Variants in SMARCD1 observed in about 807,000 individuals in gnomAD.
SMARCD1 encodes the protein SWI/SNF-related matrix-associated actin-dependent regulator of chromatin subfamily D member 1.
Under a neutral mutation model 70.8 loss-of-function variants are expected in SMARCD1, and 16 were observed. That is an observed-to-expected ratio of 0.23 (90% CI 0.15 to 0.34). SMARCD1 has a LOEUF of 0.34. Among genes scored for constraint, SMARCD1 ranks in the 10% least tolerant of loss-of-function variants. The pLI, the probability that SMARCD1 is intolerant of heterozygous loss-of-function variation, is 1.00. For missense variants in SMARCD1, 409 were observed against 655.5 expected (o/e 0.62, Z 4.11); for synonymous variants, 249 against 246.0 (o/e 1.01, Z -0.11).
Position 50,099,044 on chromosome 12 carries a change from T to TG in SMARCD1, c.*47dup. On this transcript the variant is annotated 3_prime_UTR_variant, in exon 13 of 13. Coordinates refer to ENST00000394963, the MANE Select transcript of SMARCD1 (RefSeq NM_003076.5). ...GATTCGACTGCACCAATTCTTGATT[T>TG]GGGCCCTGTGCTGCCTGCCTCATAG... 6 of 1,586,528 alleles carry TG rather than the reference T, an allele frequency of 3.8e-6. No individual in the cohort carries two copies. Among genetic ancestry groups the TG allele is most frequent in the Non-Finnish European group, 5.2e-6 (6 of 1,155,132 alleles).
At chr12:50,088,195 T>G (rs1378891984) in intron 5 of SMARCD1, 1 of 690,316 alleles carries the variant, frequency 1.4e-6, no homozygotes, top group East Asian at 2.7e-5. Context: ...GTGATTCATT[T>G]CCCCTCTAGA....
At chr12:50,086,113 G>A (rs1565737545) in intron 1 of SMARCD1, 48 bp from the exon 2 acceptor site, 3 of 1,376,714 alleles carry the variant, frequency 2.2e-6, no homozygotes, top group Admixed American at 4.8e-5. Flanking sequence ...TCTTGATGGG[G>A]TTTAGCAGGT....
intron 11 of SMARCD1, among the ~76,000 whole-genome samples, chr12:50,097,431 A>G (rs1950902309): frequency 6.6e-6 from 1 of 151,996 alleles, no homozygotes; most frequent in Non-Finnish European, 1.5e-5. Flanking sequence ...GCGCGCCTGT[A>G]ATCCCAGCTA....
chr12:50,087,335 C>T (rs371530869), intron 4 of SMARCD1, 28 bp from the exon 5 acceptor site: 22 of 1,610,460 alleles, frequency 1.4e-5, no homozygotes, highest in South Asian at 4.4e-5. Context: ...TGAAGCCCCA[C>T]GATCAATCCT....
Position 50,088,565 on chromosome 12 carries a change from C to G in SMARCD1, c.699C>G (p.Phe233Leu). Residue 233 changes from phenylalanine (F) to leucine (L), a missense_variant, in exon 6 of 13, where the codon TTC becomes TTG. Phe to Leu is a conservative substitution (Grantham distance 22, BLOSUM62 0). Around this residue, in one of 2 missense-constraint regions of SMARCD1, gnomAD observed 269 missense variants for 498.6 expected, o/e 0.54. Transcript: ENST00000394963. Reference sequence around the variant, plus strand: ...ATGCCACTAAACAAAAGAGGAAGTTCTCTTCCTTTTTTAAGTCCTTGGTGA... The same window carrying G: ...ATGCCACTAAACAAAAGAGGAAGTTGTCTTCCTTTTTTAAGTCCTTGGTGA... ...KYDATKQKRK[F>L]SSFFKSLVIE... 1 of 1,610,552 alleles carries G rather than the reference C, an allele frequency of 6.2e-7. No homozygotes were observed. The highest frequency in any genetic ancestry group is 8.5e-7 in the Non-Finnish European group (1 of 1,177,708).
chr12:50,085,693 A>C, intron 1 of SMARCD1, 147 bp downstream of exon 1: 1 of 524,060 alleles, frequency 1.9e-6, no homozygotes, highest in Non-Finnish European at 2.8e-6. Context: ...AGTGCGCAGA[A>C]AGAGAGGGGG....
At chr12:50,092,112 G>A (rs1161756636) in intron 9 of SMARCD1, among the ~76,000 whole-genome samples, 3 of 151,842 alleles carry the variant, frequency 2.0e-5, no homozygotes, top group Non-Finnish European at 4.4e-5. Context: ...CTAGATAGGG[G>A]GTGAAGAAAA....
chr12:50,093,643 C>T (rs1950867290), intron 9 of SMARCD1, among the ~76,000 whole-genome samples: 2 of 151,656 alleles, frequency 1.3e-5, no homozygotes, highest in African/African-American at 4.8e-5. Flanking sequence ...CCACCACGCC[C>T]AGGAATTGTT....
At chr12:50,090,743 A>G (rs1192071361) in intron 9 of SMARCD1, among the ~76,000 whole-genome samples, 153 bp downstream of exon 9, 1 of 152,110 alleles carries the variant, frequency 6.6e-6, no homozygotes, top group African/African-American at 2.4e-5. Context: ...ACTTATAATT[A>G]AATATATTAG....
chr12:50,097,891 CA>C (rs749628224), intron 11 of SMARCD1, among the ~76,000 whole-genome samples: 902 of 42,184 alleles, frequency 0.021, no homozygotes, highest in Non-Finnish European at 0.027. Flanking sequence ...GACTCCATCT[CA>C]AAAAAAAAAA....
At position 50,098,961 on chromosome 12, in the gene SMARCD1, A is replaced by C; in HGVS notation, c.1509A>C (p.Arg503=). The C allele has an allele frequency of 3.1e-6, 5 of 1,614,156 alleles. No individual in the cohort carries two copies. In the South Asian group the frequency reaches 5.5e-5, roughly 18 times the overall value. ...RYFYSKVQQR[R]QELEQALGIR... is the part of the protein sequence containing the mutation. ...TTTCTCCTTAGGTGCAGCAGAGACG[A>C]CAAGAATTAGAGCAAGCCCTGGGAA... Residue 503 remains arginine, a synonymous_variant, in exon 13 of 13, where the codon CGA becomes CGC. Coordinates refer to ENST00000394963, the MANE Select transcript of SMARCD1 (RefSeq NM_003076.5).
chr12:50,086,708 G>C, intron 3 of SMARCD1, 45 bp downstream of exon 3: 1 of 1,614,014 alleles, frequency 6.2e-7, no homozygotes, highest in Non-Finnish European at 8.5e-7. Context: ...GTGAGTTTGA[G>C]TATAGAGATG....
chr12:50,089,820 G>C (rs1950824758), intron 6 of SMARCD1, 64 bp from the exon 7 acceptor site: 2 of 1,130,282 alleles, frequency 1.8e-6, no homozygotes, highest in Admixed American at 1.8e-5. Flanking sequence ...CATTACAGAA[G>C]CTCTTCCCTC....
intron 9 of SMARCD1, among the ~76,000 whole-genome samples, chr12:50,093,639 C>T (rs550553968): frequency 6.6e-6 from 1 of 152,012 alleles, no homozygotes; most frequent in Non-Finnish European, 1.5e-5. Flanking sequence ...TGTGCCACCA[C>T]GCCCAGGAAT....
In SMARCD1 at chr12:50,090,540, C is replaced by T. The variant is rs774060414; in HGVS notation, c.1083C>T (p.Leu361=). 6 of 1,613,984 alleles carry T rather than the reference C, an allele frequency of 3.7e-6. No homozygotes were observed. The South Asian group carries it at 5.5e-5, about 15-fold the overall frequency. ...RMKFSEIPQR[L]HALLMPPEPI... is the part of the protein sequence containing the mutation. ...AGTTTTCAGAGATCCCTCAGCGGCT[C>T]CATGCCTTGCTTATGCCACCAGAAC... The change falls in exon 9 of 13, where the codon CTC becomes CTT. Residue 361 remains leucine, a synonymous_variant. Coordinates refer to ENST00000394963, the MANE Select transcript of SMARCD1 (RefSeq NM_003076.5).
chr12:50,085,585 G>A lies in SMARCD1; in HGVS notation c.177+39G>A, dbSNP rs956140872. On this transcript the variant is annotated intron_variant, in intron 1 of 12. Transcript: ENST00000394963. ...GAGGAGGGGCGCGCGGGCCGGGGGC[G>A]GGGCCGAGCGGGGACATGGGAGTGA... 26 of 1,218,108 alleles carry A rather than the reference G, an allele frequency of 2.1e-5. No homozygotes were observed. The African/African-American group carries it at 3.4e-4, about 16-fold the overall frequency. 75.5% of individuals were successfully genotyped at this position (1,218,108 alleles called of 1,614,324 possible). A position where few individuals can be genotyped will look rare whatever the true frequency, so the allele number is the denominator to read the frequency against.
intron 8 of SMARCD1, 30 bp from the exon 9 acceptor site, chr12:50,090,463 C>T: frequency 2.5e-6 from 4 of 1,613,000 alleles, no homozygotes; most frequent in Non-Finnish European, 3.4e-6. Context: ...GCTCAAACTG[C>T]TAACCTCGTG....
At chr12:50,085,636 G>A (rs1199604761) in intron 1 of SMARCD1, 90 bp downstream of exon 1, 4 of 602,260 alleles carry the variant, frequency 6.6e-6, no homozygotes, top group East Asian at 7.5e-5. Flanking sequence ...AAGTAGGAGG[G>A]ACTCCCTTGG....
Position 50,094,628 on chromosome 12 carries a change from G to A in SMARCD1, c.1269+56G>A, listed in dbSNP as rs552133888. 123 of 1,547,524 alleles carry A rather than the reference G, an allele frequency of 7.9e-5. 6 individuals are homozygous for A. The South Asian group carries it at 1.3e-3, about 17-fold the overall frequency. The stretch of plus-strand genomic sequence containing the variant: ...CCACCAGCCCCTATCACAGCTTCAA[G>A]GCCTCCTTTTGATTCTTAGTGTTCA... On this transcript the variant is annotated intron_variant, in intron 10 of 12. Coordinates refer to ENST00000394963, the MANE Select transcript of SMARCD1 (RefSeq NM_003076.5).
Sources: gnomAD v4.1 joint callset for allele counts (sites outside exome capture counted in the v4.1 genomes callset) on GRCh38, gnomAD v4.1.1 for gene constraint, gnomAD v4.1.1 regional missense constraint, MANE v1.5 for transcripts, NCBI Gene and HGNC (gene_info 2026-07-23, HGNC 2026-07-21) for gene names.